The following KREMEN1 variants were observed in gnomAD, a reference collection of about 807,000 sequenced individuals.
KREMEN1 encodes the protein kringle containing transmembrane protein 1, also known as kremen protein 1.
In KREMEN1, 30 loss-of-function variants were observed where a neutral mutation model predicts 46.5. That is an observed-to-expected ratio of 0.65 (90% confidence interval 0.48 to 0.88). KREMEN1 has a LOEUF of 0.88. Ranked by LOEUF, KREMEN1 falls within the 40% of genes least tolerant of loss-of-function variation. The pLI is 0.00. For missense variants in KREMEN1, 533 were observed against 596.9 expected (o/e 0.89, Z 1.11); for synonymous variants, 214 against 230.6 (o/e 0.93, Z 0.65).
downstream of KREMEN1, among the ~76,000 whole-genome samples, chr22:29,148,757 C>T (rs1267621443): frequency 1.3e-5 from 2 of 151,974 alleles, no homozygotes; most frequent in African/African-American, 4.8e-5. Flanking sequence ...GCCTGGTGAG[C>T]AAAGCTTCTA....
chr22:29,116,797 G>C (rs1323959428), intron 3 of KREMEN1, among the ~76,000 whole-genome samples: 1 of 152,110 alleles, frequency 6.6e-6, no homozygotes, highest in Non-Finnish European at 1.5e-5. Flanking sequence ...AACAAACTCA[G>C]TTTATATCAT....
rs73882473 is a variant in KREMEN1 at position 29,125,304 on chromosome 22, C to T, written c.519C>T (p.Asn173=). The T allele has an allele frequency of 2.4e-3, 3,835 of 1,614,150 alleles. 95 individuals are homozygous for T. In the African/African-American group the frequency reaches 0.045, roughly 19 times the overall value. ...MESGYACFCG[N]NPDYWKYGEA... ...CAGGCTATGCTTGCTTCTGTGGAAA[C>T]AATCCTGATTACTGGAAGTACGGGG... Residue 173 remains asparagine, a synonymous_variant, in exon 5 of 9, where the codon AAC becomes AAT. Coordinates refer to ENST00000400335, the MANE Select transcript of KREMEN1 (RefSeq NM_001039570.3).
intron 5 of KREMEN1, among the ~76,000 whole-genome samples, chr22:29,127,568 C>T (rs569281353): frequency 4.6e-5 from 7 of 152,050 alleles, no homozygotes; most frequent in African/African-American, 1.7e-4. Flanking sequence ...GAGGCTGAGG[C>T]ACAAGAATCA....
At chr22:29,167,424 C>A in exon 10 of KREMEN1, 1 of 312,632 alleles carries the variant, frequency 3.2e-6, no homozygotes, top group Non-Finnish European at 6.0e-6. Flanking sequence ...GTGTGACTCA[C>A]TTGAGGCAGG....
At chr22:29,075,547 T>TTGG (rs2037553780) in intron 1 of KREMEN1, among the ~76,000 whole-genome samples, 1 of 152,210 alleles carries the variant, frequency 6.6e-6, no homozygotes, top group Admixed American at 6.5e-5. Context: ...CCTTGCCAGC[T>TTGG]TGGTGCCTTA....
intron 3 of KREMEN1, among the ~76,000 whole-genome samples, chr22:29,105,961 C>T (rs927533280): frequency 6.6e-6 from 1 of 152,298 alleles, no homozygotes; most frequent in Admixed American, 6.5e-5. Flanking sequence ...TTAGTATTTG[C>T]CTTACAAAAG....
chr22:29,079,516 T>TG (rs1386964543), intron 1 of KREMEN1, among the ~76,000 whole-genome samples: 2 of 152,238 alleles, frequency 1.3e-5, no homozygotes, highest in African/African-American at 4.8e-5. Flanking sequence ...CTGCTTCTAG[T>TG]GGGCTGAGGA....
chr22:29,078,178 G>A (rs1025765759), intron 1 of KREMEN1, among the ~76,000 whole-genome samples: 3 of 152,168 alleles, frequency 2.0e-5, no homozygotes, highest in Non-Finnish European at 4.4e-5. Flanking sequence ...AGGATCACTT[G>A]AGCTGGGAGG....
chr22:29,137,511 G>T lies in KREMEN1; in HGVS notation c.801G>T (p.Ala267=). 1 of 1,611,106 alleles carries T rather than the reference G, an allele frequency of 6.2e-7. No homozygotes were observed. The highest frequency in any genetic ancestry group is 8.5e-7 in the Non-Finnish European group (1 of 1,177,562). ...SFPLFDIRDS[A]DMVELLDGYT... ...CCCTATTTGACATCAGGGACTCGGCGGACATGGTGGAGCTTCTGGATGGCT... is the reference window on the plus strand; with the variant it reads ...CCCTATTTGACATCAGGGACTCGGCTGACATGGTGGAGCTTCTGGATGGCT... Residue 267 remains alanine, a synonymous_variant, in exon 6 of 9, where the codon GCG becomes GCT. Coordinates refer to ENST00000400335, the MANE Select transcript of KREMEN1 (RefSeq NM_001039570.3).
chr22:29,146,277 T>C lies in KREMEN1; in HGVS notation c.*4165T>C. On this transcript the variant is annotated 3_prime_UTR_variant, in exon 9 of 9. Coordinates refer to ENST00000400335, the MANE Select transcript of KREMEN1 (RefSeq NM_001039570.3). Reference sequence around the variant, plus strand: ...TCAGCTTAGCTTCCCTGGTGTGGGGTGTTTTTCAAGCCTTCCAGCCACAGC... The same window carrying C: ...TCAGCTTAGCTTCCCTGGTGTGGGGCGTTTTTCAAGCCTTCCAGCCACAGC... 3 of 985,868 alleles carry C rather than the reference T, an allele frequency of 3.0e-6. No homozygotes were observed. Among genetic ancestry groups the C allele is most frequent in the African/African-American group, 1.7e-5 (1 of 57,330 alleles). The allele number at this position is 985,868 out of a possible 1,614,324, so 61.1% of individuals were successfully genotyped here.
chr22:29,162,898 A>G (rs1424685586), intron 9 of KREMEN1, among the ~76,000 whole-genome samples: 1 of 152,192 alleles, frequency 6.6e-6, no homozygotes, highest in Non-Finnish European at 1.5e-5. Context: ...AAATCATAGT[A>G]CATATACATT....
chr22:29,140,398 G>A (rs2038743426), intron 8 of KREMEN1, 32 bp downstream of exon 8: 1 of 1,478,886 alleles, frequency 6.8e-7, no homozygotes, highest in South Asian at 1.1e-5. Context: ...CCAATTCCAG[G>A]AAAGGGAAGG....
In KREMEN1 at chr22:29,144,429, G is replaced by A. The variant is rs1032261644; in HGVS notation, c.*2317G>A. ...GGGCAGGACTGCCACCCCAGGCCCC[G>A]TGGGAGGCCTGCTGAGGGCACAGAG... is the stretch of plus-strand genomic sequence containing the variant. On this transcript the variant is annotated 3_prime_UTR_variant, in exon 9 of 9. Transcript: ENST00000400335. 26 of 985,498 alleles carry A rather than the reference G, an allele frequency of 2.6e-5. No homozygotes were observed. The highest frequency in any genetic ancestry group is 3.1e-5 in the Non-Finnish European group (26 of 830,070). 61.0% of individuals were successfully genotyped at this position (985,498 alleles called of 1,614,324 possible).
Position 29,140,265 on chromosome 22 carries a change from G to A in KREMEN1, c.1124-17G>A. ...ACCATAAACAAGTCTGGTAAGCTCT[G>A]TCTTTTGCACTTGCAGGATGGACAG... is the stretch of plus-strand genomic sequence containing the variant. On this transcript the variant is annotated splice_polypyrimidine_tract_variant and intron_variant, in intron 7 of 8. Transcript: ENST00000400335. 1 of 1,608,190 alleles carries A rather than the reference G, an allele frequency of 6.2e-7. No individual in the cohort carries two copies. The highest frequency in any genetic ancestry group is 8.5e-7 in the Non-Finnish European group (1 of 1,174,624).
intron 1 of KREMEN1, among the ~76,000 whole-genome samples, chr22:29,092,537 A>T (rs2037820452): frequency 6.6e-6 from 1 of 152,220 alleles, no homozygotes; most frequent in Admixed American, 6.5e-5. Context: ...GGTTTAGTGC[A>T]TTTTATGCGA....
chr22:29,154,817 C>G (rs1053595665), intron 9 of KREMEN1: 2 of 150,820 alleles, frequency 1.3e-5, no homozygotes, highest in African/African-American at 4.9e-5. Context: ...GGCAAAATTG[C>G]GAGAGAAAAG....
intron 5 of KREMEN1, chr22:29,134,014 G>A (rs1447054052): frequency 6.6e-6 from 1 of 152,052 alleles, no homozygotes; most frequent in Non-Finnish European, 1.5e-5. Flanking sequence ...GAATTCTTCA[G>A]TGCTTGCTTC....
At chr22:29,157,589 C>A (rs972387025) in intron 9 of KREMEN1, among the ~76,000 whole-genome samples, 1 of 152,172 alleles carries the variant, frequency 6.6e-6, no homozygotes, top group African/African-American at 2.4e-5. Flanking sequence ...CCACCTGCCT[C>A]GGCCTCCCAA....
chr22:29,113,316 A>C (rs12628129), intron 3 of KREMEN1, among the ~76,000 whole-genome samples: 10,146 of 152,258 alleles, frequency 0.067, 418 homozygotes, highest in East Asian at 0.12. Context: ...ACTTATGTGA[A>C]AATGTGCTGT....
Sources: gnomAD v4.1 joint callset for allele counts (sites outside exome capture counted in the v4.1 genomes callset) on GRCh38, gnomAD v4.1.1 for gene constraint, MANE v1.5 for transcripts, NCBI Gene and HGNC (gene_info 2026-07-23, HGNC 2026-07-21) for gene names.